Variants in STK32B observed in about 807,000 individuals in gnomAD.
STK32B encodes the protein serine/threonine-protein kinase 32B.
STK32B carries 43 observed loss-of-function variants against 52.6 expected under a neutral mutation model. The observed-to-expected ratio is 0.82, with a 90% CI of 0.64 to 1.05. The LOEUF is 1.05. Among genes scored for constraint, STK32B ranks in the 50% least tolerant of loss-of-function variants. The pLI, the probability that STK32B is intolerant of heterozygous loss-of-function variation, is 0.00. For synonymous variants in STK32B, 238 were observed against 204.3 expected, an observed-to-expected ratio of 1.17 and a Z score of -1.41; for missense variants, 621 against 534.6, an observed-to-expected ratio of 1.16 and a Z score of -1.59.
chr4:5,266,598 G>T (rs1300237769), intron 3 of STK32B, among the ~76,000 whole-genome samples: 2 of 152,174 alleles, frequency 1.3e-5, no homozygotes, highest in Non-Finnish European at 2.9e-5. Flanking sequence ...CTGAAGATCT[G>T]CAGTTTTCTG....
At chr4:5,080,923 T>G (rs986960956) in intron 1 of STK32B, among the ~76,000 whole-genome samples, 1 of 152,144 alleles carries the variant, frequency 6.6e-6, no homozygotes, top group African/African-American at 2.4e-5. Flanking sequence ...TATGGGAAAG[T>G]CTGTACCTTT....
chr4:5,115,220 A>G (rs1714649725), intron 1 of STK32B, among the ~76,000 whole-genome samples: 1 of 152,158 alleles, frequency 6.6e-6, no homozygotes, highest in Non-Finnish European at 1.5e-5. Flanking sequence ...GGAGGAACTC[A>G]TTCTCCAACT....
intron 11 of STK32B, among the ~76,000 whole-genome samples, chr4:5,475,657 C>CTGGGCA (rs1718182673): frequency 6.7e-6 from 1 of 150,278 alleles, no homozygotes; most frequent in Non-Finnish European, 1.5e-5. Flanking sequence ...AAGATCACGC[C>CTGGGCA]ACTGCACTCC....
intron 3 of STK32B, among the ~76,000 whole-genome samples, chr4:5,302,224 CAAAG>C (rs1729609919): frequency 1.3e-5 from 2 of 148,212 alleles, no homozygotes; most frequent in Admixed American, 1.3e-4. Context: ...AAAAAAATCA[CAAAG>C]AATTATATAT....
chr4:5,466,266 G>A (rs1042874196), intron 9 of STK32B, among the ~76,000 whole-genome samples: 11 of 152,224 alleles, frequency 7.2e-5, no homozygotes, highest in African/African-American at 2.7e-4. Context: ...CGGGGGTACG[G>A]AGCAGGGAAC....
chr4:5,139,742 C>A, intron 1 of STK32B, 163 bp from the exon 2 acceptor site: 5 of 673,886 alleles, frequency 7.4e-6, no homozygotes. Context: ...GAATGTGCTG[C>A]AAATTCCCCT....
chr4:5,450,576 A>G (rs1003691686), intron 7 of STK32B, among the ~76,000 whole-genome samples: 3 of 152,234 alleles, frequency 2.0e-5, no homozygotes, highest in African/African-American at 7.2e-5. Flanking sequence ...CTTTAGAGGA[A>G]TCTCACAGGT....
intron 3 of STK32B, among the ~76,000 whole-genome samples, chr4:5,181,409 G>A (rs1720354305): frequency 6.7e-6 from 1 of 150,368 alleles, no homozygotes; most frequent in African/African-American, 2.5e-5. Flanking sequence ...TGCCTCTGCT[G>A]GCACCCTGAG....
At chr4:5,145,115 C>T (rs967980226) in intron 2 of STK32B, among the ~76,000 whole-genome samples, 5 of 152,120 alleles carry the variant, frequency 3.3e-5, no homozygotes, top group Non-Finnish European at 7.4e-5. Context: ...TGATTTTTTT[C>T]TCATTATTTT....
intron 3 of STK32B, among the ~76,000 whole-genome samples, chr4:5,246,743 G>A (rs889305053): frequency 6.7e-4 from 102 of 152,244 alleles, no homozygotes; most frequent in African/African-American, 2.2e-3. Context: ...ACATACATAC[G>A]GGTTTTTGGT....
chr4:5,150,168 T>G (rs1052791439), intron 2 of STK32B, among the ~76,000 whole-genome samples: 1 of 152,212 alleles, frequency 6.6e-6, no homozygotes, highest in South Asian at 2.1e-4. Context: ...AATTTGACTT[T>G]TAGAAGTTTT....
chr4:5,365,263 C>T (rs1734805010), intron 4 of STK32B, among the ~76,000 whole-genome samples: 1 of 152,206 alleles, frequency 6.6e-6, no homozygotes, highest in Admixed American at 6.5e-5. Context: ...GGAACTTTGG[C>T]ATACTTCTGT....
At chr4:5,157,929 G>A (rs973115009) in intron 2 of STK32B, among the ~76,000 whole-genome samples, 1 of 152,076 alleles carries the variant, frequency 6.6e-6, no homozygotes, top group African/African-American at 2.4e-5. Context: ...CATTGTTCAT[G>A]CAGACATCTT....
At chr4:5,350,137 A>G (rs894994126) in intron 4 of STK32B, among the ~76,000 whole-genome samples, 1 of 152,184 alleles carries the variant, frequency 6.6e-6, no homozygotes, top group Non-Finnish European at 1.5e-5. Context: ...TGGCATAGAT[A>G]CAATTCAAAA....
At chr4:5,040,930 C>T in the STK32B span, among the ~76,000 whole-genome samples, 1 of 152,160 alleles carries the variant, frequency 6.6e-6, no homozygotes, top group East Asian at 1.9e-4. Flanking sequence ...TTTGTGTATG[C>T]ATACACAGAA....
chr4:5,419,594 TG>T (rs1253304181), intron 6 of STK32B, among the ~76,000 whole-genome samples: 1 of 152,230 alleles, frequency 6.6e-6, no homozygotes, highest in Non-Finnish European at 1.5e-5. Context: ...TGGAGTTCTT[TG>T]TTTTCTGGTC....
intron 3 of STK32B, chr4:5,214,441 T>C (rs955088418): frequency 6.6e-6 from 1 of 152,186 alleles, no homozygotes; most frequent in Non-Finnish European, 1.5e-5. Flanking sequence ...CAATAATGTG[T>C]AGGTCCAGGT....
At chr4:5,287,055 C>G (rs1301434804) in intron 3 of STK32B, among the ~76,000 whole-genome samples, 1 of 152,156 alleles carries the variant, frequency 6.6e-6, no homozygotes, top group Non-Finnish European at 1.5e-5. Flanking sequence ...CTCGGCCTCC[C>G]AAAGTGCTGG....
chr4:5,112,856 G>T (rs1394375528), intron 1 of STK32B, among the ~76,000 whole-genome samples: 1 of 152,166 alleles, frequency 6.6e-6, no homozygotes, highest in Non-Finnish European at 1.5e-5. Flanking sequence ...GGGGTTGACA[G>T]ATGAATGTGA....
Sources: allele counts gnomAD v4.1 joint callset (sites outside exome capture counted in the v4.1 genomes callset), GRCh38; gene constraint gnomAD v4.1.1; transcripts MANE v1.5; gene names NCBI Gene and HGNC (gene_info 2026-07-23, HGNC 2026-07-21).